Variants in ZNF609 observed in about 807,000 individuals in gnomAD.
The protein encoded by ZNF609 is zinc finger protein 609.
Under a neutral mutation model 109.5 loss-of-function variants are expected in ZNF609, and 11 were observed. The ratio of observed to expected loss-of-function variants is 0.10; its 90% CI spans 0.06 to 0.17. The LOEUF (loss-of-function observed/expected upper bound fraction) is 0.17. Ranked by LOEUF, ZNF609 falls within the 10% of genes least tolerant of loss-of-function variation. ZNF609 has a pLI of 1.00. For missense variants in ZNF609, 1,559 were observed against 1,772.4 expected, an observed-to-expected ratio of 0.88 and a Z score of 2.16; for synonymous variants, 646 against 662.0, an observed-to-expected ratio of 0.98 and a Z score of 0.37.
At chr15:64,563,526 C>T (rs989585212) in intron 2 of ZNF609, among the ~76,000 whole-genome samples, 16 of 151,982 alleles carry the variant, frequency 1.1e-4, no homozygotes, top group Admixed American at 3.9e-4. Context: ...CCTGTAATCC[C>T]GGCACTTGGG....
chr15:64,669,004 T>TAAAA (rs1896689316), intron 3 of ZNF609, among the ~76,000 whole-genome samples: 1 of 128,478 alleles, frequency 7.8e-6, no homozygotes, highest in Non-Finnish European at 1.7e-5. Context: ...AAAAAAACCC[T>TAAAA]ATATAAAACA....
chr15:64,593,103 G>A (rs756240461), intron 2 of ZNF609: 16 of 1,593,748 alleles, frequency 1.0e-5, no homozygotes, highest in South Asian at 2.2e-5. Flanking sequence ...TTCGTCATTC[G>A]AAACATAGTG....
intron 1 of ZNF609, among the ~76,000 whole-genome samples, chr15:64,482,457 A>G (rs1893269679): frequency 6.6e-6 from 1 of 152,064 alleles, no homozygotes; most frequent in African/African-American, 2.4e-5. Context: ...CCAAGAATTT[A>G]GGAAGAATTC....
chr15:64,661,271 T>C (rs1024337364), intron 3 of ZNF609, among the ~76,000 whole-genome samples: 3 of 152,232 alleles, frequency 2.0e-5, no homozygotes, highest in African/African-American at 7.2e-5. Flanking sequence ...CGCGTATCAC[T>C]ATCTGACATA....
intron 3 of ZNF609, among the ~76,000 whole-genome samples, chr15:64,644,932 T>G (rs2140992787): frequency 6.6e-6 from 1 of 152,236 alleles, no homozygotes; most frequent in Non-Finnish European, 1.5e-5. Flanking sequence ...ATGAGCTATA[T>G]CTTCTCCTAA....
chr15:64,574,711 T>G (rs1377894664), intron 2 of ZNF609, among the ~76,000 whole-genome samples: 1 of 152,178 alleles, frequency 6.6e-6, no homozygotes, highest in East Asian at 1.9e-4. Flanking sequence ...CAAGTCCCTT[T>G]TCTCTTTGCC....
chr15:64,529,540 A>C (rs1275383868), intron 2 of ZNF609: 15 of 1,260,446 alleles, frequency 1.2e-5, no homozygotes, highest in Admixed American at 1.7e-5. Flanking sequence ...GAACATGTAG[A>C]CCATGTAGTT....
At chr15:64,465,827 G>A (rs1003867376) in intron 1 of ZNF609, among the ~76,000 whole-genome samples, 21 of 151,768 alleles carry the variant, frequency 1.4e-4, no homozygotes, top group Non-Finnish European at 1.9e-4. Flanking sequence ...TCTTAAAAAC[G>A]GATATAGGCC....
At chr15:64,614,011 C>T (rs1276967127) in intron 2 of ZNF609, among the ~76,000 whole-genome samples, 3 of 151,840 alleles carry the variant, frequency 2.0e-5, no homozygotes, top group Admixed American at 1.3e-4. Context: ...GCAACCTCTG[C>T]CTCCCAGGTT....
intron 2 of ZNF609, among the ~76,000 whole-genome samples, chr15:64,563,503 G>T (rs954841918): frequency 1.3e-5 from 2 of 152,126 alleles, no homozygotes; most frequent in Middle Eastern, 6.8e-3. Context: ...TTGGCGGGGC[G>T]CAGTAGCTCA....
Position 64,684,339 on chromosome 15 carries a change from C to A in ZNF609, c.*2653C>A, listed in dbSNP as rs1595764175. ...AAGGGCCAAGACCACCAGACCAAGC[C>A]TGTTTATGAGCCACCCCTGCCCAGG... is the stretch of plus-strand genomic sequence containing the variant. On this transcript the variant is annotated 3_prime_UTR_variant, in exon 10 of 10. Coordinates refer to ENST00000326648, the MANE Select transcript of ZNF609 (RefSeq NM_015042.2). 6.6e-6 allele frequency: 1 copy of A among 152,446 alleles called. No individual in the cohort carries two copies. The highest frequency in any genetic ancestry group is 1.5e-5 in the Non-Finnish European group (1 of 68,256). 9.4% of individuals were successfully genotyped at this position (152,446 alleles called of 1,614,324 possible).
intron 1 of ZNF609, among the ~76,000 whole-genome samples, chr15:64,483,046 A>G (rs1177170624): frequency 6.6e-6 from 1 of 152,114 alleles, no homozygotes; most frequent in Non-Finnish European, 1.5e-5. Context: ...ATATTGCTGG[A>G]GGAATATTAA....
At chr15:64,607,567 C>T (rs190322253) in intron 2 of ZNF609, among the ~76,000 whole-genome samples, 28 of 146,702 alleles carry the variant, frequency 1.9e-4, no homozygotes, top group Admixed American at 1.5e-3. Flanking sequence ...TGCAGTGGCG[C>T]GATCTTGGCT....
chr15:64,510,770 G>A (rs1365474390), intron 2 of ZNF609, among the ~76,000 whole-genome samples: 2 of 152,054 alleles, frequency 1.3e-5, no homozygotes, highest in African/African-American at 4.8e-5. Flanking sequence ...CCATTGGGAT[G>A]TGACAATTTG....
At chr15:64,485,133 A>T (rs1213985987) in intron 1 of ZNF609, among the ~76,000 whole-genome samples, 1 of 152,204 alleles carries the variant, frequency 6.6e-6, no homozygotes, top group Non-Finnish European at 1.5e-5. Context: ...AGGTTTGTTT[A>T]TATTTGTGAT....
chr15:64,645,565 TTTTG>T (rs1184449961), intron 3 of ZNF609, among the ~76,000 whole-genome samples: 1 of 152,110 alleles, frequency 6.6e-6, no homozygotes, highest in East Asian at 1.9e-4. Flanking sequence ...AACTAATAAC[TTTTG>T]TTTATCAAAG....
At chr15:64,610,375 A>G (rs1895697484) in intron 2 of ZNF609, among the ~76,000 whole-genome samples, 1 of 152,106 alleles carries the variant, frequency 6.6e-6, no homozygotes, top group Non-Finnish European at 1.5e-5. Flanking sequence ...AAAATAACTA[A>G]TATTTACTAA....
At chr15:64,473,238 G>A (rs188335327) in intron 1 of ZNF609, among the ~76,000 whole-genome samples, 5 of 121,718 alleles carry the variant, frequency 4.1e-5, no homozygotes, top group East Asian at 2.4e-4. Context: ...TTGCTCTGTC[G>A]CCCAGGCTGG....
At chr15:64,537,224 G>A (rs1203202390) in intron 2 of ZNF609, among the ~76,000 whole-genome samples, 5 of 142,216 alleles carry the variant, frequency 3.5e-5, no homozygotes, top group African/African-American at 5.3e-5. Context: ...CTCGCTGGGT[G>A]CGGTGGTTCA....
Sources: allele counts gnomAD v4.1 joint callset (sites outside exome capture counted in the v4.1 genomes callset), GRCh38; gene constraint gnomAD v4.1.1; transcripts MANE v1.5; gene names NCBI Gene and HGNC (gene_info 2026-07-23, HGNC 2026-07-21).